The following METTL16 variants were observed in gnomAD, a reference collection of about 807,000 sequenced individuals.
The protein encoded by METTL16 is RNA N(6)-adenosine-methyltransferase METTL16.
A neutral mutation model predicts 57.9 loss-of-function variants in METTL16; 19 were observed. That is an observed-to-expected ratio of 0.33 (90% CI 0.23 to 0.48). The LOEUF (loss-of-function observed/expected upper bound fraction) is 0.48, where lower values mean the gene tolerates loss of function less well. Among genes scored for constraint, METTL16 ranks in the 20% least tolerant of loss-of-function variants. The pLI is 0.99. For synonymous variants in METTL16, 246 were observed against 255.6 expected, an observed-to-expected ratio of 0.96 and a Z score of 0.36; for missense variants, 434 against 691.5, an observed-to-expected ratio of 0.63 and a Z score of 4.18.
intron 3 of METTL16, 122 bp from the exon 4 acceptor site, chr17:2,473,786 TACAGTGCAGTGGTGTGATC>T (rs2067251461): frequency 9.8e-7 from 1 of 1,020,920 alleles, no homozygotes; most frequent in African/African-American, 1.6e-5. Flanking sequence ...TCGCCCAGGC[TACAGTGCAGTGGTGTGATC>T]ACGGTTCACT....
intron 2 of METTL16, among the ~76,000 whole-genome samples, chr17:2,492,699 G>C (rs890374202): frequency 3.3e-5 from 5 of 151,836 alleles, no homozygotes; most frequent in Non-Finnish European, 7.4e-5. Flanking sequence ...AGACCAGCCT[G>C]GCCAACATGG....
chr17:2,486,499 C>T (rs900359862), intron 2 of METTL16, among the ~76,000 whole-genome samples: 64 of 152,162 alleles, frequency 4.2e-4, no homozygotes, highest in African/African-American at 1.4e-3. Flanking sequence ...TCTCAATCTC[C>T]TGACCTCATG....
chr17:2,486,878 G>A (rs1042741413), intron 2 of METTL16, among the ~76,000 whole-genome samples: 2 of 151,558 alleles, frequency 1.3e-5, no homozygotes, highest in East Asian at 1.9e-4. Flanking sequence ...TACTCTAGGC[G>A]GGGGAGTGGG....
chr17:2,492,196 G>A (rs532258875), intron 2 of METTL16, among the ~76,000 whole-genome samples: 10 of 152,294 alleles, frequency 6.6e-5, no homozygotes, highest in African/African-American at 2.4e-4. Flanking sequence ...GGGCGACAGA[G>A]CAAGACTCCG....
At chr17:2,489,302 A>G (rs1481939711) in intron 2 of METTL16, among the ~76,000 whole-genome samples, 2 of 152,058 alleles carry the variant, frequency 1.3e-5, no homozygotes, top group African/African-American at 4.8e-5. Flanking sequence ...AGCAACTAAC[A>G]GAAAAGAAAA....
At chr17:2,467,633 G>A (rs576511801) in intron 5 of METTL16, 128 bp downstream of exon 5, 103 of 626,118 alleles carry the variant, frequency 1.6e-4, no homozygotes, top group African/African-American at 5.4e-4. Flanking sequence ...TCACCATGTT[G>A]GCCAGGCTGG....
chr17:2,493,701 G>A (rs999586294), intron 2 of METTL16, among the ~76,000 whole-genome samples: 51 of 140,770 alleles, frequency 3.6e-4, no homozygotes, highest in Admixed American at 1.7e-3. Flanking sequence ...TCTGGGTGAC[G>A]CTGTGAGACT....
chr17:2,502,370 A>G, intron 1 of METTL16, 39 bp from the exon 2 acceptor site: 2 of 1,598,784 alleles, frequency 1.3e-6, no homozygotes, highest in Non-Finnish European at 8.5e-7. Context: ...CAGCATATTT[A>G]TTAAAAACCA....
chr17:2,452,752 T>C (rs962539410), intron 6 of METTL16, among the ~76,000 whole-genome samples: 1 of 152,222 alleles, frequency 6.6e-6, no homozygotes, highest in African/African-American at 2.4e-5. Flanking sequence ...TATGTGTTTT[T>C]TCCTAAGCTG....
chr17:2,491,681 C>G (rs551194194), intron 2 of METTL16, among the ~76,000 whole-genome samples: 1 of 151,486 alleles, frequency 6.6e-6, no homozygotes, highest in South Asian at 2.1e-4. Context: ...GGAGACCATC[C>G]TGGCTAACAC....
chr17:2,502,374 A>G, intron 1 of METTL16, 43 bp from the exon 2 acceptor site: 1 of 1,599,266 alleles, frequency 6.3e-7, no homozygotes, highest in South Asian at 1.1e-5. Context: ...ATATTTATTA[A>G]AAACCATTAA....
intron 5 of METTL16, among the ~76,000 whole-genome samples, chr17:2,466,193 CAAA>C (rs35300433): frequency 1.7e-4 from 18 of 103,950 alleles, no homozygotes; most frequent in South Asian, 3.1e-4. Context: ...GACTCTGTCA[CAAA>C]AAAAAAAAAA....
chr17:2,482,386 A>G (rs908971501), intron 2 of METTL16, among the ~76,000 whole-genome samples: 4 of 152,246 alleles, frequency 2.6e-5, no homozygotes, highest in African/African-American at 7.2e-5. Flanking sequence ...AACAACTGGC[A>G]CTGAGCAGTT....
At chr17:2,424,932 A>G (rs1378329168) in intron 8 of METTL16, among the ~76,000 whole-genome samples, 1 of 151,546 alleles carries the variant, frequency 6.6e-6, no homozygotes, top group Non-Finnish European at 1.5e-5. Context: ...TCGGTGACAG[A>G]GCGAGACTCC....
rs913361519 is a variant in METTL16, at chr17:2,464,405, T to C, written c.586-55A>G. On this transcript the variant is annotated intron_variant, in intron 5 of 9. Transcript: ENST00000263092. Reference sequence around the variant, plus strand: ...AATGTGTACACCCCAAGAACCAAGTTTGAATGTAATCTATCTCTAAGTTAG... The same window carrying C: ...AATGTGTACACCCCAAGAACCAAGTCTGAATGTAATCTATCTCTAAGTTAG... 2.7e-6 allele frequency: 4 copies of C among 1,495,034 alleles called. No homozygotes were observed. The African/African-American group carries it at 4.2e-5, about 16-fold the overall frequency. 92.6% of individuals were successfully genotyped at this position (1,495,034 alleles called of 1,614,324 possible). A position where few individuals can be genotyped will look rare whatever the true frequency, so the allele number is the denominator to read the frequency against.
At chr17:2,475,875 G>A (rs1011395782) in intron 3 of METTL16, among the ~76,000 whole-genome samples, 2 of 152,176 alleles carry the variant, frequency 1.3e-5, no homozygotes, top group Non-Finnish European at 2.9e-5. Flanking sequence ...ATCCCCAAGT[G>A]CTATTTTAGA....
chr17:2,453,727 G>A (rs1247270506), intron 6 of METTL16, among the ~76,000 whole-genome samples: 1 of 152,054 alleles, frequency 6.6e-6, no homozygotes, highest in Non-Finnish European at 1.5e-5. Flanking sequence ...TTATTACTAT[G>A]ATTGTTGCAA....
At chr17:2,448,825 A>AAT (rs1555617335) in intron 6 of METTL16, among the ~76,000 whole-genome samples, 4 of 140,474 alleles carry the variant, frequency 2.8e-5, no homozygotes, top group African/African-American at 7.6e-5. Flanking sequence ...AAAAAAAAAA[A>AAT]AGAGCATCCT....
rs2066742193 is a variant in METTL16, at chr17:2,419,283, G to C, written c.*687C>G. 8 of 190,222 alleles carry C rather than the reference G, an allele frequency of 4.2e-5. No individual in the cohort carries two copies. The South Asian group carries it at 7.2e-4, about 17-fold the overall frequency. 11.8% of individuals were successfully genotyped at this position (190,222 alleles called of 1,614,324 possible). ...GTACTGTCAACAGGCTGGAGGTGGG[G>C]GTATGGGTGCCTTCTGTGTGCCTCA... is the stretch of plus-strand genomic sequence containing the variant. On this transcript the variant is annotated 3_prime_UTR_variant, in exon 10 of 10. Coordinates refer to ENST00000263092, the MANE Select transcript of METTL16 (RefSeq NM_024086.4).
Sources: allele counts gnomAD v4.1 joint callset (sites outside exome capture counted in the v4.1 genomes callset), GRCh38; gene constraint gnomAD v4.1.1; transcripts MANE v1.5; gene names NCBI Gene and HGNC (gene_info 2026-07-23, HGNC 2026-07-21).